Variants in GPC4 observed in about 807,000 individuals in gnomAD.
GPC4 encodes the protein glypican-4.
GPC4 carries 10 observed loss-of-function variants against 35.0 expected under a neutral mutation model. The observed-to-expected ratio is 0.29, with a 90% confidence interval of 0.18 to 0.48. The LOEUF (loss-of-function observed/expected upper bound fraction) is 0.48. GPC4 is among the 20% of genes least tolerant of loss of function. The pLI is 0.99. For synonymous variants in GPC4, 167 were observed against 170.2 expected (o/e 0.98, Z 0.15); for missense variants, 322 against 451.3 (o/e 0.71, Z 2.60).
intron 1 of GPC4, among the ~76,000 whole-genome samples, chrX:133,386,382 C>G (rs983500662): frequency 1.4e-4 from 16 of 111,856 alleles, no homozygotes; most frequent in South Asian, 3.8e-4. Context: ...GAAACTTTAT[C>G]TGAAAAGTAA....
At position 133,311,624 on chromosome X, in the gene GPC4, G is replaced by T. The variant is rs933138672; in HGVS notation, c.712-201C>A. ...TTGGGACAGGGGAGAGGAGGGAGAT[G>T]ACCCAAAACAAACAAGGTGCACCAA... On this transcript the variant is annotated intron_variant, in intron 3 of 8. Coordinates refer to ENST00000370828, the MANE Select transcript of GPC4 (RefSeq NM_001448.3). 1.5e-5 allele frequency: 7 copies of T among 452,144 alleles called. No homozygotes were observed. The Admixed American group carries it at 2.5e-4, about 16-fold the overall frequency. 37.3% of individuals were successfully genotyped at this position (452,144 alleles called of 1,213,427 possible).
chrX:133,323,760 A>G (rs993326728), intron 3 of GPC4, among the ~76,000 whole-genome samples: 1 of 112,158 alleles, frequency 8.9e-6, no homozygotes, highest in African/African-American at 3.2e-5. Flanking sequence ...ACAGTCACAC[A>G]AAACAACCAA....
At chrX:133,394,020 C>T (rs1025597065) in intron 1 of GPC4, among the ~76,000 whole-genome samples, 2 of 111,363 alleles carry the variant, frequency 1.8e-5, no homozygotes, top group Admixed American at 1.9e-4. Context: ...CCTGTAATCC[C>T]AGCACTTAGG....
intron 3 of GPC4, among the ~76,000 whole-genome samples, chrX:133,315,201 G>T (rs771335469): frequency 2.8e-5 from 3 of 108,801 alleles, no homozygotes; most frequent in Non-Finnish European, 3.8e-5. Context: ...ATGCTCCAGT[G>T]AGCATTTCTT....
chrX:133,400,819 G>A (rs906972931), intron 1 of GPC4, among the ~76,000 whole-genome samples: 2 of 107,392 alleles, frequency 1.9e-5, no homozygotes, highest in African/African-American at 6.8e-5. Context: ...AAGAGGCAAA[G>A]CCCCTGCCCA....
intron 3 of GPC4, among the ~76,000 whole-genome samples, chrX:133,314,311 G>A (rs188921895): frequency 1.4e-4 from 16 of 112,042 alleles, no homozygotes; most frequent in African/African-American, 4.9e-4. Context: ...GTGGTTCATT[G>A]TATTCTTAGT....
At chrX:133,346,934 G>A (rs773714434) in intron 1 of GPC4, among the ~76,000 whole-genome samples, 7 of 111,260 alleles carry the variant, frequency 6.3e-5, no homozygotes, top group Non-Finnish European at 9.4e-5. Context: ...GGTTTCTTTC[G>A]GGGGTGATGA....
chrX:133,385,863 C>T (rs762529330), intron 1 of GPC4, among the ~76,000 whole-genome samples: 2 of 109,636 alleles, frequency 1.8e-5, no homozygotes, highest in Non-Finnish European at 3.8e-5. Context: ...TAGGCTAATG[C>T]TAAAATGAAA....
At chrX:133,397,807 T>TCCCA (rs1249743269) in intron 1 of GPC4, among the ~76,000 whole-genome samples, 2 of 112,087 alleles carry the variant, frequency 1.8e-5, no homozygotes, top group African/African-American at 3.2e-5. Flanking sequence ...ACGCCTGTAA[T>TCCCA]CCCAGCACTT....
intron 1 of GPC4, among the ~76,000 whole-genome samples, chrX:133,375,620 C>T (rs189783757): frequency 1.5e-3 from 163 of 112,108 alleles, no homozygotes; most frequent in African/African-American, 5.2e-3. Flanking sequence ...ATACCATAGT[C>T]TCTGGCCATT....
chrX:133,321,837 C>T (rs2068366216), intron 3 of GPC4, among the ~76,000 whole-genome samples: 1 of 111,344 alleles, frequency 9.0e-6, no homozygotes, highest in Admixed American at 9.5e-5. Context: ...CCTCATATGC[C>T]CCAATAAATA....
chrX:133,414,809 T>C lies in GPC4; in HGVS notation c.157A>G (p.Asn53Asp). ...NKNDAPLHEINGDHLKICPQG... is the reference protein window; with the variant it reads ...NKNDAPLHEIDGDHLKICPQG... ...CCTCCCGGGTGTGCCCACCTACCGT[T>C]GATCTCGTGGAGGGGGGCATCGTTC... Residue 53 changes from asparagine (N) to aspartate (D), a missense_variant, in exon 1 of 9, where the codon AAC becomes GAC. Coordinates refer to ENST00000370828, the MANE Select transcript of GPC4 (RefSeq NM_001448.3). 1.7e-6 allele frequency: 2 copies of C among 1,210,838 alleles called. No homozygotes were observed. Among genetic ancestry groups the C allele is most frequent in the Non-Finnish European group, 2.2e-6 (2 of 894,734 alleles).
In GPC4 at chrX:133,311,457, C is replaced by T. The variant is rs749506559; in HGVS notation, c.712-34G>A. ...TGAAAAGAAAAAAAGACAGTAGTGG[C>T]GGGGCTAAAATAGAGACAGAAATTG... On this transcript the variant is annotated intron_variant, in intron 3 of 8. Coordinates refer to ENST00000370828, the MANE Select transcript of GPC4 (RefSeq NM_001448.3). 74 of 1,178,307 alleles carry T rather than the reference C, an allele frequency of 6.3e-5. No homozygotes were observed. The South Asian group carries it at 1.1e-3, about 18-fold the overall frequency.
At chrX:133,312,465 C>G (rs2068319362) in intron 3 of GPC4, among the ~76,000 whole-genome samples, 1 of 109,510 alleles carries the variant, frequency 9.1e-6, no homozygotes, top group Non-Finnish European at 1.9e-5. Context: ...CCCGTTTCTA[C>G]TAAAAATACA....
intron 3 of GPC4, among the ~76,000 whole-genome samples, chrX:133,323,520 T>C (rs1349070694): frequency 8.9e-6 from 1 of 112,135 alleles, no homozygotes; most frequent in African/African-American, 3.2e-5. Flanking sequence ...TCTAGTCCAA[T>C]TCGCTGAATT....
intron 2 of GPC4, among the ~76,000 whole-genome samples, chrX:133,329,034 T>C (rs1259593349): frequency 8.9e-6 from 1 of 111,766 alleles, no homozygotes; most frequent in Non-Finnish European, 1.9e-5. Context: ...AAGCAGCTGC[T>C]ACTCCTTGAG....
intron 3 of GPC4, among the ~76,000 whole-genome samples, chrX:133,316,284 A>G (rs2068338019): frequency 8.9e-6 from 1 of 112,086 alleles, no homozygotes; most frequent in Non-Finnish European, 1.9e-5. Flanking sequence ...CAGATGAGGA[A>G]GTGGAGCCCC....
intron 2 of GPC4, among the ~76,000 whole-genome samples, chrX:133,338,708 A>T: frequency 9.0e-6 from 1 of 111,608 alleles, no homozygotes; most frequent in East Asian, 2.8e-4. Flanking sequence ...TCTCTGCTGC[A>T]TGGAAACTCA....
intron 1 of GPC4, among the ~76,000 whole-genome samples, chrX:133,393,704 G>GAACAATT (rs2068730240): frequency 9.0e-6 from 1 of 110,930 alleles, no homozygotes; most frequent in Admixed American, 9.7e-5. Context: ...TTGAACTTAA[G>GAACAATT]GAAGTTATTC....
Sources: gnomAD v4.1 joint callset for allele counts (sites outside exome capture counted in the v4.1 genomes callset) on GRCh38, gnomAD v4.1.1 for gene constraint, MANE v1.5 for transcripts, NCBI Gene and HGNC (gene_info 2026-07-23, HGNC 2026-07-21) for gene names.